The following CCDC73 variants were observed in gnomAD, a reference collection of about 807,000 sequenced individuals.
The protein encoded by CCDC73 is coiled-coil domain containing 73.
CCDC73 carries 95 observed loss-of-function variants against 116.5 expected under a neutral mutation model. That is an observed-to-expected ratio of 0.82 (90% confidence interval 0.69 to 0.97). The LOEUF is 0.97. Ranked by LOEUF, CCDC73 falls within the 50% of genes least tolerant of loss-of-function variation. The pLI, the probability that CCDC73 is intolerant of heterozygous loss-of-function variation, is 0.00. For missense variants in CCDC73, 1,066 were observed against 1,206.8 expected (o/e 0.88, Z 1.73); for synonymous variants, 398 against 401.3 (o/e 0.99, Z 0.10).
chr11:32,625,705 A>G (rs1855565486), intron 14 of CCDC73, among the ~76,000 whole-genome samples: 1 of 152,208 alleles, frequency 6.6e-6, no homozygotes, highest in Non-Finnish European at 1.5e-5. Flanking sequence ...AATCCAGCAT[A>G]TAAACAGAAC....
At chr11:32,815,592 A>C in the CCDC73 span, among the ~76,000 whole-genome samples, 1 of 152,202 alleles carries the variant, frequency 6.6e-6, no homozygotes, top group African/African-American at 2.4e-5. Context: ...CTGGGTGAGA[A>C]AGAAAAAGGT....
intron 2 of CCDC73, among the ~76,000 whole-genome samples, chr11:32,736,338 A>C (rs1255613399): frequency 6.6e-6 from 1 of 152,208 alleles, no homozygotes; most frequent in South Asian, 2.1e-4. Flanking sequence ...ACCCCATCAA[A>C]AAGTGGGCAA....
the CCDC73 span, among the ~76,000 whole-genome samples, chr11:32,809,334 A>C: frequency 1.3e-5 from 2 of 152,200 alleles, no homozygotes; most frequent in African/African-American, 4.8e-5. Flanking sequence ...GATCCAGAAA[A>C]TGGCAGAAGC....
chr11:32,750,190 A>T (rs1850275295), intron 2 of CCDC73, among the ~76,000 whole-genome samples: 2 of 152,030 alleles, frequency 1.3e-5, no homozygotes, highest in Non-Finnish European at 1.5e-5. Flanking sequence ...CTTTCTACCA[A>T]ATAAATGGAT....
chr11:32,624,834 T>G (rs1381612470), intron 14 of CCDC73, among the ~76,000 whole-genome samples: 2 of 152,194 alleles, frequency 1.3e-5, no homozygotes, highest in African/African-American at 2.4e-5. Context: ...ATATATACCA[T>G]GGAATACTAT....
chr11:32,740,703 TCTTCTA>T (rs1426932763), intron 2 of CCDC73, among the ~76,000 whole-genome samples: 1 of 152,076 alleles, frequency 6.6e-6, no homozygotes, highest in African/African-American at 2.4e-5. Flanking sequence ...TCATTTCTTT[TCTTCTA>T]CTAAATTTGG....
chr11:32,782,047 C>T (rs1001470677), intron 1 of CCDC73, among the ~76,000 whole-genome samples: 1 of 152,152 alleles, frequency 6.6e-6, no homozygotes, highest in East Asian at 1.9e-4. Context: ...AGTACAAACC[C>T]TGTTGTGAAC....
chr11:32,733,276 T>G (rs1850096455), intron 2 of CCDC73, among the ~76,000 whole-genome samples: 1 of 152,122 alleles, frequency 6.6e-6, no homozygotes, highest in South Asian at 2.1e-4. Context: ...AAGCAAGTCC[T>G]TAGAGACCTA....
intron 3 of CCDC73, among the ~76,000 whole-genome samples, chr11:32,706,908 C>T (rs1032399685): frequency 1.3e-5 from 2 of 151,938 alleles, no homozygotes; most frequent in African/African-American, 4.8e-5. Context: ...TTTTCTTTTC[C>T]CTCAGATCCC....
intron 3 of CCDC73, among the ~76,000 whole-genome samples, chr11:32,710,429 T>C (rs2133324595): frequency 6.6e-6 from 1 of 152,346 alleles, no homozygotes; most frequent in African/African-American, 2.4e-5. Flanking sequence ...TCCATCTTGA[T>C]TTCATTGTTG....
chr11:32,658,480 T>C (rs902209954), intron 9 of CCDC73, among the ~76,000 whole-genome samples: 3 of 152,096 alleles, frequency 2.0e-5, no homozygotes, highest in Non-Finnish European at 2.9e-5. Flanking sequence ...ACAAACAATA[T>C]TGAACATGTA....
At chr11:32,681,592 G>T (rs917564290) in intron 7 of CCDC73, 4 of 151,950 alleles carry the variant, frequency 2.6e-5, no homozygotes, top group Non-Finnish European at 5.9e-5. Flanking sequence ...TCATAAACTT[G>T]AAATTTTCTT....
At chr11:32,712,121 C>T (rs1197490092) in intron 3 of CCDC73, among the ~76,000 whole-genome samples, 1 of 152,146 alleles carries the variant, frequency 6.6e-6, no homozygotes, top group Admixed American at 6.5e-5. Flanking sequence ...CTTTCTCCCC[C>T]ACACATTTCC....
chr11:32,666,882 G>C (rs960478660), intron 9 of CCDC73, among the ~76,000 whole-genome samples: 8 of 152,212 alleles, frequency 5.3e-5, no homozygotes, highest in African/African-American at 1.9e-4. Flanking sequence ...CTAACAGTCA[G>C]GACCCTCAGC....
At chr11:32,805,463 T>A in the CCDC73 span, among the ~76,000 whole-genome samples, 2 of 152,200 alleles carry the variant, frequency 1.3e-5, no homozygotes, top group South Asian at 2.1e-4. Flanking sequence ...AAACTTATAC[T>A]GCTATAAAAT....
At chr11:32,762,580 G>C (rs1426285501) in intron 1 of CCDC73, among the ~76,000 whole-genome samples, 2 of 152,016 alleles carry the variant, frequency 1.3e-5, no homozygotes, top group Non-Finnish European at 2.9e-5. Flanking sequence ...TTGGTGTCAA[G>C]CAAATAAAGC....
At chr11:32,778,126 GAAAT>G (rs1346564852) in intron 1 of CCDC73, among the ~76,000 whole-genome samples, 1 of 152,130 alleles carries the variant, frequency 6.6e-6, no homozygotes. Flanking sequence ...ATATTATTAT[GAAAT>G]AAATAAGTGG....
intron 7 of CCDC73, chr11:32,681,985 T>C (rs1318353640): frequency 6.6e-6 from 1 of 151,892 alleles, no homozygotes; most frequent in Non-Finnish European, 1.5e-5. Flanking sequence ...ATGCAATGCT[T>C]TAAACTGTCA....
At chr11:32,791,220 G>C (rs373666367) in intron 1 of CCDC73, among the ~76,000 whole-genome samples, 1 of 152,020 alleles carries the variant, frequency 6.6e-6, no homozygotes, top group Non-Finnish European at 1.5e-5. Flanking sequence ...GCAAATAAAC[G>C]AATTAGGAAA....
Sources: gnomAD v4.1 joint callset for allele counts (sites outside exome capture counted in the v4.1 genomes callset) on GRCh38, gnomAD v4.1.1 for gene constraint, MANE v1.5 for transcripts, NCBI Gene and HGNC (gene_info 2026-07-23, HGNC 2026-07-21) for gene names.